CHD1L: variants seen among roughly 807,000 people sequenced by gnomAD.
CHD1L encodes ATP-dependent chromatin remodeler CHD1L.
Under a neutral mutation model 115.9 loss-of-function variants are expected in CHD1L, and 118 were observed. The observed-to-expected ratio is 1.02, with a 90% CI of 0.88 to 1.19. The LOEUF (loss-of-function observed/expected upper bound fraction) is 1.19. Among genes scored for constraint, CHD1L ranks in the 50% most tolerant of loss-of-function variants. The pLI is 0.00. For synonymous variants in CHD1L, 411 were observed against 387.1 expected, an observed-to-expected ratio of 1.06 and a Z score of -0.72; for missense variants, 1,179 against 1,065.3, an observed-to-expected ratio of 1.11 and a Z score of -1.49.
At chr1:147,215,962 T>C in the CHD1L span, 1 of 1,567,402 alleles carries the variant, frequency 6.4e-7, no homozygotes. Flanking sequence ...ATAGAAAGTA[T>C]TCATAGCAAC....
the CHD1L span, chr1:147,204,731 C>G: frequency 2.7e-5 from 40 of 1,509,236 alleles, no homozygotes; most frequent in Non-Finnish European, 3.6e-5. Context: ...GTCGCTGCAT[C>G]ATTTGTCACA....
chr1:147,207,769 A>T, the CHD1L span, among the ~76,000 whole-genome samples: 6 of 152,130 alleles, frequency 3.9e-5, no homozygotes, highest in African/African-American at 7.2e-5. Flanking sequence ...GTTTAATAGT[A>T]TGTACTTACT....
the CHD1L span, among the ~76,000 whole-genome samples, chr1:147,214,455 A>G: frequency 0.064 from 11 of 172 alleles, no homozygotes; most frequent in Admixed American, 0.12. Flanking sequence ...TGTCTGAAAA[A>G]AAACAAAAAA....
At chr1:147,188,358 T>C in the CHD1L span, among the ~76,000 whole-genome samples, 7 of 151,818 alleles carry the variant, frequency 4.6e-5, no homozygotes, top group Non-Finnish European at 8.8e-5. Context: ...ACCCCATCTC[T>C]ACAGAAAACA....
At position 147,295,682 on chromosome 1, in the gene CHD1L, T is replaced by C. The variant is rs1372510797; in HGVS notation, c.*173T>C. ...TTTTGCTCTGTTTTGGTACCTGTAA[T>C]ATAGGGAAACACAACTTTTTTTGGG... On this transcript the variant is annotated 3_prime_UTR_variant, in exon 23 of 23. Transcript: ENST00000369258. 1.8e-6 allele frequency: 1 copy of C among 543,386 alleles called. No homozygotes were observed. The highest frequency in any genetic ancestry group is 4.0e-5 in the Admixed American group (1 of 25,208). 33.7% of individuals were successfully genotyped at this position (543,386 alleles called of 1,614,324 possible).
intron 6 of CHD1L, chr1:147,261,120 G>A (rs72691032): frequency 0.18 from 27,056 of 152,204 alleles, 3,069 homozygotes; most frequent in Middle Eastern, 0.26. Context: ...AGTCTCAAAG[G>A]TCGCTGTCCC....
chr1:147,283,868 A>G (rs1270786355), intron 15 of CHD1L, among the ~76,000 whole-genome samples: 2 of 152,206 alleles, frequency 1.3e-5, no homozygotes, highest in Non-Finnish European at 2.9e-5. Context: ...TGTGGTGAGG[A>G]TCATGACGAA....
chr1:147,252,534 G>C (rs973726074), intron 1 of CHD1L, 89 bp from the exon 2 acceptor site: 2 of 960,628 alleles, frequency 2.1e-6, no homozygotes, highest in East Asian at 2.4e-5. Flanking sequence ...GTGAATTTAG[G>C]CTGTGTTCCT....
the CHD1L span, among the ~76,000 whole-genome samples, chr1:147,236,576 G>C: frequency 6.6e-6 from 1 of 152,110 alleles, no homozygotes; most frequent in Non-Finnish European, 1.5e-5. Context: ...TCTCAGCAGA[G>C]AGGAGACCCT....
At chr1:147,228,180 C>A in the CHD1L span, among the ~76,000 whole-genome samples, 1 of 150,864 alleles carries the variant, frequency 6.6e-6, no homozygotes, top group East Asian at 1.9e-4. Flanking sequence ...CCACAACAGG[C>A]CCCAGTGTGT....
chr1:147,173,891 A>T, the CHD1L span, among the ~76,000 whole-genome samples: 5 of 152,258 alleles, frequency 3.3e-5, no homozygotes, highest in Admixed American at 2.0e-4. Flanking sequence ...TATACAGAGT[A>T]GGCTTTTGCA....
Position 147,287,926 on chromosome 1 carries a change from C to T in CHD1L, c.2320+193C>T, listed in dbSNP as rs139592752. Among the ~76,000 whole-genome samples the T allele has an allele frequency of 3.3e-4, 50 of 152,316 alleles. No individual in the cohort carries two copies. In the East Asian group the frequency reaches 9.2e-3, roughly 28 times the overall value. Reference sequence around the variant, plus strand: ...TTTACCTTTTCTGTACCTGTTTCCTCATCTGTGATTTGTGAATAATACTTG... The same window carrying T: ...TTTACCTTTTCTGTACCTGTTTCCTTATCTGTGATTTGTGAATAATACTTG... On this transcript the variant is annotated intron_variant, in intron 19 of 22. Coordinates refer to ENST00000369258, the MANE Select transcript of CHD1L (RefSeq NM_004284.6).
intron 14 of CHD1L, among the ~76,000 whole-genome samples, chr1:147,278,140 T>C (rs781921890): frequency 6.6e-6 from 1 of 151,718 alleles, no homozygotes; most frequent in Non-Finnish European, 1.5e-5. Flanking sequence ...GAGTTATTTG[T>C]GGTTACCAAA....
the CHD1L span, among the ~76,000 whole-genome samples, chr1:147,198,534 G>A: frequency 1.3e-5 from 2 of 152,108 alleles, no homozygotes; most frequent in Admixed American, 1.3e-4. Flanking sequence ...AGTATTGTAG[G>A]AAGTATGGTA....
At chr1:147,233,971 G>A in the CHD1L span, among the ~76,000 whole-genome samples, 1 of 152,056 alleles carries the variant, frequency 6.6e-6, no homozygotes, top group Admixed American at 6.5e-5. Flanking sequence ...AGGCGGCAGG[G>A]CCCTCTGCCT....
chr1:147,204,660 A>G, the CHD1L span: 46,784 of 1,575,320 alleles, frequency 0.03, 1,077 homozygotes, highest in South Asian at 0.088. Flanking sequence ...GCTCTTGCAT[A>G]TGAGAAGCCA....
chr1:147,286,494 T>C lies in CHD1L; in HGVS notation c.2215T>C (p.Cys739Arg). 1 of 1,613,334 alleles carries C rather than the reference T, an allele frequency of 6.2e-7. No homozygotes were observed. The highest frequency in any genetic ancestry group is 8.5e-7 in the Non-Finnish European group (1 of 1,179,810). The change falls in exon 18 of 23, where the codon TGC (cysteine) becomes CGC (arginine). Residue 739 changes from cysteine (C) to arginine (R), a missense_variant. Transcript: ENST00000369258. ...GGCCGAGGATGCTCTCATTGTGCAC[T>C]GCGTAGGTACGAGAAGTGGTATGGG... ...AGAEDALIVH[C>R]VDDSGHWGRG...
the CHD1L span, among the ~76,000 whole-genome samples, chr1:147,229,457 T>A: frequency 1.3e-5 from 2 of 152,192 alleles, no homozygotes; most frequent in African/African-American, 2.4e-5. Context: ...CCTCCGGCTT[T>A]GTTCTTTTGG....
At chr1:147,215,518 A>G in the CHD1L span, 1 of 478,682 alleles carries the variant, frequency 2.1e-6, no homozygotes, top group Non-Finnish European at 3.7e-6. Context: ...GAAGGTAATG[A>G]AAACACTCTG....
Sources: allele counts gnomAD v4.1 joint callset (sites outside exome capture counted in the v4.1 genomes callset), GRCh38; gene constraint gnomAD v4.1.1; transcripts MANE v1.5; gene names NCBI Gene and HGNC (gene_info 2026-07-23, HGNC 2026-07-21).